NUBPL: variants seen among roughly 807,000 people sequenced by gnomAD.
The protein encoded by NUBPL is iron-sulfur cluster transfer protein NUBPL.
NUBPL carries 31 observed loss-of-function variants against 45.7 expected under a neutral mutation model. That is an observed-to-expected ratio of 0.68 (90% CI 0.51 to 0.92). The LOEUF (loss-of-function observed/expected upper bound fraction) is 0.92, where lower values mean the gene tolerates loss of function less well. Ranked by LOEUF, NUBPL falls within the 40% of genes least tolerant of loss-of-function variation. The pLI, the probability that NUBPL is intolerant of heterozygous loss-of-function variation, is 0.00. For synonymous variants in NUBPL, 144 were observed against 140.9 expected, an observed-to-expected ratio of 1.02 and a Z score of -0.15; for missense variants, 401 against 398.7, an observed-to-expected ratio of 1.01 and a Z score of -0.05.
intron 3 of NUBPL, among the ~76,000 whole-genome samples, chr14:31,597,349 C>T (rs1380425378): frequency 6.6e-6 from 1 of 152,150 alleles, no homozygotes; most frequent in East Asian, 1.9e-4. Flanking sequence ...TATGTAAAAT[C>T]TACTCTTACC....
chr14:31,681,660 T>A (rs1427582053), intron 6 of NUBPL, among the ~76,000 whole-genome samples: 2 of 152,076 alleles, frequency 1.3e-5, no homozygotes, highest in Non-Finnish European at 1.5e-5. Context: ...AATTTTTTTT[T>A]AAATACAAGC....
intron 6 of NUBPL, among the ~76,000 whole-genome samples, chr14:31,734,079 G>T (rs1364427811): frequency 6.6e-6 from 1 of 151,904 alleles, no homozygotes; most frequent in Admixed American, 6.6e-5. Context: ...AATCAACCTT[G>T]TATTCCTGGA....
rs544035128 is a variant in NUBPL at position 31,841,442 on chromosome 14, C to G, written c.694-5029C>G. Among the ~76,000 whole-genome samples, 3 of 152,214 alleles carry G rather than the reference C, an allele frequency of 2.0e-5. No homozygotes were observed. In the South Asian group the frequency reaches 6.2e-4, roughly 32 times the overall value. ...TTGAGTATCTTCTTTTGTGGAATAT[C>G]TGTTAAATCTCTTGCCCATTTCTTT... On this transcript the variant is annotated intron_variant, in intron 8 of 10. Coordinates refer to ENST00000281081, the MANE Select transcript of NUBPL (RefSeq NM_025152.3).
chr14:31,570,508 A>G (rs931050607), intron 3 of NUBPL, among the ~76,000 whole-genome samples: 1 of 152,198 alleles, frequency 6.6e-6, no homozygotes, highest in African/African-American at 2.4e-5. Flanking sequence ...GAGCATTTTC[A>G]TGAACATAAT....
intron 8 of NUBPL, among the ~76,000 whole-genome samples, chr14:31,842,943 G>A (rs1217042156): frequency 2.6e-5 from 4 of 152,000 alleles, no homozygotes; most frequent in Non-Finnish European, 5.9e-5. Context: ...AAATCCTAAT[G>A]TTTTCTTTTT....
chr14:31,811,676 G>T (rs2039808476), intron 7 of NUBPL, among the ~76,000 whole-genome samples: 1 of 152,138 alleles, frequency 6.6e-6, no homozygotes, highest in Admixed American at 6.5e-5. Context: ...GAGGAGTTGT[G>T]ATCCTTTGGA....
At chr14:31,589,728 G>A (rs989958094) in intron 3 of NUBPL, among the ~76,000 whole-genome samples, 1 of 151,920 alleles carries the variant, frequency 6.6e-6, no homozygotes, top group Admixed American at 6.6e-5. Flanking sequence ...TCACCAAACT[G>A]CTCCCCCGTC....
chr14:31,773,037 A>G (rs1385368679), intron 6 of NUBPL, among the ~76,000 whole-genome samples: 1 of 152,096 alleles, frequency 6.6e-6, no homozygotes, highest in Non-Finnish European at 1.5e-5. Context: ...GAACAATCTC[A>G]AGGATGTTTA....
intron 6 of NUBPL, among the ~76,000 whole-genome samples, chr14:31,741,536 C>A (rs1000050637): frequency 3.9e-5 from 6 of 152,142 alleles, no homozygotes; most frequent in Non-Finnish European, 8.8e-5. Flanking sequence ...AAAATAGCTA[C>A]TTCCCCCTTC....
intron 6 of NUBPL, among the ~76,000 whole-genome samples, chr14:31,706,589 C>A (rs1244272216): frequency 6.6e-6 from 1 of 152,198 alleles, no homozygotes; most frequent in Non-Finnish European, 1.5e-5. Flanking sequence ...CTTCTACTAT[C>A]CCTTACTGGT....
intron 6 of NUBPL, among the ~76,000 whole-genome samples, chr14:31,680,192 T>A (rs1385428439): frequency 6.6e-6 from 1 of 152,154 alleles, no homozygotes; most frequent in Admixed American, 6.5e-5. Flanking sequence ...ACAGCTTAAT[T>A]TCTTCCTTTT....
At chr14:31,769,560 C>A (rs1048975852) in intron 6 of NUBPL, among the ~76,000 whole-genome samples, 23 of 151,726 alleles carry the variant, frequency 1.5e-4, no homozygotes, top group Admixed American at 6.6e-5. Flanking sequence ...GCTAAGTTTT[C>A]CAAAGGAAAT....
intron 6 of NUBPL, among the ~76,000 whole-genome samples, chr14:31,695,310 A>G (rs2037190216): frequency 6.7e-6 from 1 of 149,442 alleles, no homozygotes; most frequent in Admixed American, 6.7e-5. Flanking sequence ...GATGATGAGT[A>G]CTTATATATG....
intron 6 of NUBPL, among the ~76,000 whole-genome samples, chr14:31,783,333 C>T (rs2039226185): frequency 6.6e-6 from 1 of 152,012 alleles, no homozygotes; most frequent in Non-Finnish European, 1.5e-5. Context: ...TCAGTCTGAG[C>T]ACTAGATTCT....
At chr14:31,768,970 T>C (rs879502324) in intron 6 of NUBPL, among the ~76,000 whole-genome samples, 43 of 152,174 alleles carry the variant, frequency 2.8e-4, no homozygotes, top group African/African-American at 8.9e-4. Context: ...GGGCCAAGCT[T>C]GAGGATTGTA....
intron 6 of NUBPL, among the ~76,000 whole-genome samples, chr14:31,762,596 A>T (rs1002539931): frequency 6.6e-6 from 1 of 152,210 alleles, no homozygotes; most frequent in Non-Finnish European, 1.5e-5. Flanking sequence ...TGTTACAAAA[A>T]TACAAATTTA....
intron 7 of NUBPL, among the ~76,000 whole-genome samples, chr14:31,817,472 A>G (rs1343303974): frequency 2.6e-5 from 4 of 152,168 alleles, no homozygotes; most frequent in Admixed American, 2.6e-4. Context: ...AGACTAACAG[A>G]AAATCTCTCT....
At chr14:31,652,629 C>T (rs2036038162) in intron 4 of NUBPL, among the ~76,000 whole-genome samples, 1 of 152,026 alleles carries the variant, frequency 6.6e-6, no homozygotes, top group Non-Finnish European at 1.5e-5. Context: ...AAAGTAATAA[C>T]ATTTCTAATA....
chr14:31,630,833 T>A (rs942889053), intron 4 of NUBPL, among the ~76,000 whole-genome samples: 7 of 152,210 alleles, frequency 4.6e-5, no homozygotes, highest in Non-Finnish European at 8.8e-5. Flanking sequence ...GTGCAATCTC[T>A]GGGAATTATA....
Sources: allele counts gnomAD v4.1 joint callset (sites outside exome capture counted in the v4.1 genomes callset), GRCh38; gene constraint gnomAD v4.1.1; transcripts MANE v1.5; gene names NCBI Gene and HGNC (gene_info 2026-07-23, HGNC 2026-07-21).